ACTMAP: variants seen among roughly 807,000 people sequenced by gnomAD.
ACTMAP encodes UPF0692 protein C19orf54.
At chr19:40,743,767 C>A in the ACTMAP span, 1 of 1,059,634 alleles carries the variant, frequency 9.4e-7, no homozygotes, top group Non-Finnish European at 1.4e-6. Context: ...ACACCTGGGG[C>A]CCAGCCTGCC....
At chr19:40,746,003 CTA>C in the ACTMAP span, among the ~76,000 whole-genome samples, 1 of 152,226 alleles carries the variant, frequency 6.6e-6, no homozygotes, top group South Asian at 2.1e-4. Flanking sequence ...TGAGATCATG[CTA>C]TATGTTGCCC....
the ACTMAP span, chr19:40,744,633 C>G: frequency 6.2e-7 from 1 of 1,613,716 alleles, no homozygotes; most frequent in East Asian, 2.2e-5. Flanking sequence ...GGGGACGCCA[C>G]TGGGGGGCGA....
the ACTMAP span, chr19:40,742,643 C>T: frequency 1.4e-5 from 22 of 1,613,138 alleles, no homozygotes; most frequent in Admixed American, 1.7e-5. Context: ...AGACAGCTCC[C>T]GGGGAGCCCT....
the ACTMAP span, chr19:40,744,033 C>T: frequency 2.5e-6 from 4 of 1,613,954 alleles, no homozygotes; most frequent in African/African-American, 1.3e-5. Context: ...CCCTTTGCCA[C>T]CCCTGCCCTC....
the ACTMAP span, among the ~76,000 whole-genome samples, chr19:40,745,801 T>TAGCTGG: frequency 6.6e-6 from 1 of 152,122 alleles, no homozygotes; most frequent in African/African-American, 2.4e-5. Context: ...GCCTCCCGAG[T>TAGCTGG]AGCTGGGATT....
the ACTMAP span, chr19:40,749,956 A>G: frequency 1.7e-6 from 1 of 572,120 alleles, no homozygotes; most frequent in Non-Finnish European, 2.8e-6. Context: ...GACCAGGGCT[A>G]ATATTTGAAA....
At chr19:40,745,208 AGCCGT>A in the ACTMAP span, 2 of 1,551,756 alleles carry the variant, frequency 1.3e-6, no homozygotes, top group South Asian at 2.4e-5. Context: ...CCTGAAGCAG[AGCCGT>A]GCTCAGTCAC....
At chr19:40,749,408 C>A in the ACTMAP span, 2 of 1,409,120 alleles carry the variant, frequency 1.4e-6, no homozygotes, top group Admixed American at 2.5e-5. Context: ...ACGGGAACCC[C>A]CCCCCCACCC....
At chr19:40,743,113 G>A in the ACTMAP span, among the ~76,000 whole-genome samples, 11 of 152,130 alleles carry the variant, frequency 7.2e-5, no homozygotes, top group Non-Finnish European at 1.5e-4. Flanking sequence ...GAAGCTGAGC[G>A]GAGCCTCCCC....
chr19:40,749,525 C>T, the ACTMAP span: 4 of 1,551,194 alleles, frequency 2.6e-6, no homozygotes, highest in Non-Finnish European at 3.5e-6. Context: ...CTTCTCTGCC[C>T]TTGGGGACCG....
chr19:40,743,548 A>G, the ACTMAP span, among the ~76,000 whole-genome samples: 1 of 152,160 alleles, frequency 6.6e-6, no homozygotes, highest in Non-Finnish European at 1.5e-5. Flanking sequence ...TTGTTCTAAG[A>G]GTGCTGAGTG....
At chr19:40,748,289 C>G in the ACTMAP span, among the ~76,000 whole-genome samples, 4 of 151,984 alleles carry the variant, frequency 2.6e-5, no homozygotes, top group Non-Finnish European at 5.9e-5. Flanking sequence ...CATGACAAAC[C>G]CTGTCTCTAC....
At chr19:40,745,002 C>CCCTTT in the ACTMAP span, 1 of 1,165,538 alleles carries the variant, frequency 8.6e-7, no homozygotes, top group South Asian at 1.3e-5. Context: ...GGAAAGTTCC[C>CCCTTT]CCTTTCCTTC....
chr19:40,746,468 C>T, the ACTMAP span, among the ~76,000 whole-genome samples: 7 of 151,612 alleles, frequency 4.6e-5, no homozygotes, highest in Admixed American at 2.0e-4. Context: ...CTCTGCCTCC[C>T]GGGTTCACGC....
chr19:40,743,222 A>G, the ACTMAP span, among the ~76,000 whole-genome samples: 1 of 136,020 alleles, frequency 7.4e-6, no homozygotes. Flanking sequence ...GTCACACGCC[A>G]AGCCCTGTTC....
At chr19:40,742,126 G>A in the ACTMAP span, 75 of 574,436 alleles carry the variant, frequency 1.3e-4, no homozygotes, top group Admixed American at 3.0e-4. Context: ...TCCCTGTCCT[G>A]TGAGAAGCAG....
the ACTMAP span, among the ~76,000 whole-genome samples, chr19:40,743,529 G>A: frequency 7.2e-5 from 11 of 152,156 alleles, no homozygotes; most frequent in Non-Finnish European, 1.5e-4. Context: ...CACCGCGCCT[G>A]GCCAAGCCTT....
chr19:40,747,038 C>T, the ACTMAP span, among the ~76,000 whole-genome samples: 1 of 150,794 alleles, frequency 6.6e-6, no homozygotes, highest in Non-Finnish European at 1.5e-5. Context: ...AACTCCTGGC[C>T]TCAGGTGATC....
chr19:40,744,753 A>T, the ACTMAP span: 6 of 1,519,710 alleles, frequency 3.9e-6, no homozygotes, highest in African/African-American at 8.3e-5. Flanking sequence ...GGAGTTGGGG[A>T]ACAGGTTTGC....
Sources: gnomAD v4.1 joint callset for allele counts (sites outside exome capture counted in the v4.1 genomes callset) on GRCh38, gnomAD v4.1.1 for gene constraint, MANE v1.5 for transcripts, NCBI Gene and HGNC (gene_info 2026-07-23, HGNC 2026-07-21) for gene names.